The following FARS2 variants were observed in gnomAD, a reference collection of about 807,000 sequenced individuals.
FARS2 encodes the protein phenylalanyl-tRNA synthetase 2, mitochondrial.
FARS2 carries 40 observed loss-of-function variants against 46.4 expected under a neutral mutation model. That is an observed-to-expected ratio of 0.86 (90% confidence interval 0.67 to 1.12). FARS2 has a LOEUF of 1.12. Among genes scored for constraint, FARS2 ranks in the 50% most tolerant of loss-of-function variants. The pLI, the probability that FARS2 is intolerant of heterozygous loss-of-function variation, is 0.00. For missense variants in FARS2, 513 were observed against 567.9 expected (o/e 0.90, Z 0.98); for synonymous variants, 234 against 214.9 (o/e 1.09, Z -0.78).
At chr6:5,277,945 A>C (rs1192994398) in intron 1 of FARS2, among the ~76,000 whole-genome samples, 2 of 152,312 alleles carry the variant, frequency 1.3e-5, no homozygotes, top group East Asian at 3.9e-4. Flanking sequence ...AGCAGAGTGG[A>C]TACTTAGGAG....
At chr6:5,560,837 G>T (rs1771939766) in intron 5 of FARS2, among the ~76,000 whole-genome samples, 2 of 152,064 alleles carry the variant, frequency 1.3e-5, no homozygotes, top group African/African-American at 4.8e-5. Context: ...ATTTTCATAT[G>T]TATTGGCACA....
chr6:5,449,699 G>A (rs36046852), intron 4 of FARS2, among the ~76,000 whole-genome samples: 24,793 of 152,100 alleles, frequency 0.16, 2,518 homozygotes, highest in African/African-American at 0.29. Flanking sequence ...TTTTGTGTGT[G>A]TGTGTTTTGG....
At chr6:5,271,506 T>C (rs1765941392) in intron 1 of FARS2, among the ~76,000 whole-genome samples, 1 of 152,082 alleles carries the variant, frequency 6.6e-6, no homozygotes, top group Admixed American at 6.5e-5. Flanking sequence ...TATTTTTTTA[T>C]TTGATTAATT....
intron 1 of FARS2, among the ~76,000 whole-genome samples, chr6:5,302,589 C>A (rs1453307869): frequency 6.6e-6 from 1 of 152,178 alleles, no homozygotes; most frequent in Non-Finnish European, 1.5e-5. Flanking sequence ...CTATCTTTTA[C>A]AGATGGGGAG....
At chr6:5,558,784 C>CTCGT (rs1489563844) in intron 5 of FARS2, among the ~76,000 whole-genome samples, 4 of 151,936 alleles carry the variant, frequency 2.6e-5, no homozygotes. Context: ...ATCTCCTGAC[C>CTCGT]TCGTGATCCA....
intron 1 of FARS2, among the ~76,000 whole-genome samples, chr6:5,289,362 G>A (rs764587642): frequency 6.6e-6 from 1 of 152,150 alleles, no homozygotes; most frequent in Non-Finnish European, 1.5e-5. Context: ...TAGACAAAAC[G>A]CACAAACAAA....
chr6:5,517,189 A>T (rs1768857768), intron 4 of FARS2, among the ~76,000 whole-genome samples: 2 of 152,250 alleles, frequency 1.3e-5, no homozygotes, highest in South Asian at 4.1e-4. Flanking sequence ...AAAAAAGCAC[A>T]GTCTATGAGG....
At chr6:5,643,082 A>G (rs983655746) in intron 6 of FARS2, among the ~76,000 whole-genome samples, 19 of 152,326 alleles carry the variant, frequency 1.2e-4, no homozygotes, top group African/African-American at 4.3e-4. Flanking sequence ...TTAGTAATTT[A>G]TTTTAAAGAA....
At chr6:5,768,641 T>A (rs1173524439) in intron 6 of FARS2, among the ~76,000 whole-genome samples, 1 of 152,226 alleles carries the variant, frequency 6.6e-6, no homozygotes, top group African/African-American at 2.4e-5. Context: ...CCAATACTTG[T>A]TATTTTCCTT....
intron 3 of FARS2, among the ~76,000 whole-genome samples, chr6:5,410,149 GT>G (rs1171325752): frequency 8.3e-6 from 1 of 120,542 alleles, no homozygotes; most frequent in African/African-American, 3.5e-5. Flanking sequence ...TCGTTTTTGT[GT>G]TTTTTTGTTT....
At position 5,630,984 on chromosome 6, in the gene FARS2, C is replaced by T. The variant is rs1295821948; in HGVS notation, c.1217+17664C>T. Among the ~76,000 whole-genome samples, 7 of 152,198 alleles carry T rather than the reference C, an allele frequency of 4.6e-5. No individual in the cohort carries two copies. The highest frequency in any genetic ancestry group is 1.7e-4 in the African/African-American group (7 of 41,442). The stretch of plus-strand genomic sequence containing the variant: ...TTTGTATGGCAGGGGAATCTGTTCA[C>T]CTGCTACCTAGAATTGCCTCCTCCA... On this transcript the variant is annotated intron_variant, in intron 6 of 6. Transcript: ENST00000274680. This position sits in a 1 kb window ranked among gnomAD's most constrained non-coding sequence, Gnocchi z 4.2.
chr6:5,749,254 T>C (rs1177958257), intron 6 of FARS2, among the ~76,000 whole-genome samples: 6 of 151,746 alleles, frequency 4.0e-5, no homozygotes, highest in African/African-American at 1.2e-4. Context: ...GCTGCAGGAG[T>C]GAGGCAGGAC....
At chr6:5,367,364 TTTAA>T (rs1173497956) in intron 1 of FARS2, among the ~76,000 whole-genome samples, 15 of 152,190 alleles carry the variant, frequency 9.9e-5, no homozygotes, top group African/African-American at 3.4e-4. Flanking sequence ...ATTTTTATAA[TTTAA>T]GTTTGTGAAT....
intron 2 of FARS2, among the ~76,000 whole-genome samples, chr6:5,398,799 T>G (rs1355462900): frequency 6.6e-6 from 1 of 152,180 alleles, no homozygotes; most frequent in Admixed American, 6.5e-5. Flanking sequence ...CCATTGCCTT[T>G]GATAGTGACA....
chr6:5,541,358 A>G (rs1189415179), intron 4 of FARS2, among the ~76,000 whole-genome samples: 2 of 152,206 alleles, frequency 1.3e-5, no homozygotes, highest in Admixed American at 6.5e-5. Context: ...AACAGAATTC[A>G]TACTTTTAAA....
At chr6:5,751,862 A>G (rs1761966887) in intron 6 of FARS2, among the ~76,000 whole-genome samples, 1 of 152,226 alleles carries the variant, frequency 6.6e-6, no homozygotes, top group Non-Finnish European at 1.5e-5. Flanking sequence ...TGAGTGCCCT[A>G]TTAAACATTT....
chr6:5,513,524 G>T (rs942713878), intron 4 of FARS2, among the ~76,000 whole-genome samples: 1 of 152,312 alleles, frequency 6.6e-6, no homozygotes, highest in East Asian at 1.9e-4. Context: ...AGAGAAGTTT[G>T]CACTCTTTGT....
intron 6 of FARS2, among the ~76,000 whole-genome samples, chr6:5,628,602 C>T (rs750687694): frequency 3.3e-5 from 5 of 152,198 alleles, no homozygotes; most frequent in Non-Finnish European, 5.9e-5. Context: ...AACCAAAGGG[C>T]GCTTGGATTA....
intron 2 of FARS2, among the ~76,000 whole-genome samples, chr6:5,401,853 A>G (rs1316200424): frequency 2.6e-5 from 4 of 152,088 alleles, no homozygotes; most frequent in Admixed American, 6.6e-5. Context: ...ACTCCTCTAC[A>G]TTAGTTGATC....
Sources: gnomAD v4.1 joint callset for allele counts (sites outside exome capture counted in the v4.1 genomes callset) on GRCh38, gnomAD v4.1.1 for gene constraint, Gnocchi (gnomAD v3.1) non-coding constraint, MANE v1.5 for transcripts, NCBI Gene and HGNC (gene_info 2026-07-23, HGNC 2026-07-21) for gene names.